Variants in ARHGEF12 observed in about 807,000 individuals in gnomAD.
ARHGEF12 encodes Rho guanine nucleotide exchange factor 12.
In ARHGEF12, 66 loss-of-function variants were observed where a neutral mutation model predicts 211.2. The ratio of observed to expected loss-of-function variants is 0.31; its 90% CI spans 0.26 to 0.38. The LOEUF is 0.38. Ranked by LOEUF, ARHGEF12 falls within the 10% of genes least tolerant of loss-of-function variation. The pLI, the probability that ARHGEF12 is intolerant of heterozygous loss-of-function variation, is 1.00. For synonymous variants in ARHGEF12, 592 were observed against 638.4 expected (o/e 0.93, Z 1.09); for missense variants, 1,429 against 1,869.5 (o/e 0.76, Z 4.34).
chr11:120,465,856 T>C (rs1946690909), intron 28 of ARHGEF12, among the ~76,000 whole-genome samples: 1 of 152,222 alleles, frequency 6.6e-6, no homozygotes, highest in African/African-American at 2.4e-5. Context: ...AAAAAATATA[T>C]GTCAGGATTA....
intron 1 of ARHGEF12, among the ~76,000 whole-genome samples, chr11:120,346,641 C>A (rs550559566): frequency 6.6e-6 from 1 of 152,250 alleles, no homozygotes; most frequent in African/African-American, 2.4e-5. Flanking sequence ...ATAATATAGT[C>A]TACATCAACA....
At chr11:120,355,654 C>T (rs1390920410) in intron 1 of ARHGEF12, among the ~76,000 whole-genome samples, 14 of 152,132 alleles carry the variant, frequency 9.2e-5, no homozygotes. Context: ...CTGCAGTGAG[C>T]TATGATTGTG....
intron 1 of ARHGEF12, chr11:120,337,946 T>C (rs1942407709): frequency 6.2e-6 from 6 of 970,196 alleles, no homozygotes; most frequent in Admixed American, 6.2e-5. Flanking sequence ...TTAAGAGATA[T>C]AAGCCGTAAG....
intron 1 of ARHGEF12, among the ~76,000 whole-genome samples, chr11:120,393,507 T>G (rs1944283414): frequency 6.6e-6 from 1 of 152,146 alleles, no homozygotes; most frequent in South Asian, 2.1e-4. Context: ...TAATCTACAT[T>G]AAAGGAAAAC....
intron 17 of ARHGEF12, 80 bp downstream of exon 17, chr11:120,446,588 A>G (rs1210282794): frequency 1.9e-6 from 2 of 1,079,606 alleles, no homozygotes; most frequent in East Asian, 2.6e-5. Context: ...CTCATTAAAT[A>G]CTTAGCTTAG....
Position 120,407,842 on chromosome 11 carries a change from T to G in ARHGEF12, c.142+19T>G. 2 of 1,600,920 alleles carry G rather than the reference T, an allele frequency of 1.2e-6. No homozygotes were observed. The highest frequency in any genetic ancestry group is 2.2e-5 in the South Asian group (2 of 90,458). On this transcript the variant is annotated intron_variant, in intron 3 of 40. Transcript: ENST00000397843. The stretch of plus-strand genomic sequence containing the variant: ...CCCACAGGTAAAACACTATTCATTC[T>G]TTCAAAGAGTATTGAGAGTAGTGAA...
intron 1 of ARHGEF12, among the ~76,000 whole-genome samples, chr11:120,348,822 CAA>C (rs1277798646): frequency 1.3e-5 from 2 of 152,084 alleles, no homozygotes; most frequent in Non-Finnish European, 2.9e-5. Flanking sequence ...GCCTGGAAAA[CAA>C]GAGCAAAACA....
At chr11:120,442,546 T>C (rs1945910468) in intron 15 of ARHGEF12, among the ~76,000 whole-genome samples, 1 of 151,874 alleles carries the variant, frequency 6.6e-6, no homozygotes, top group African/African-American at 2.4e-5. Context: ...ACATATATAT[T>C]AAGACCCAAG....
rs7126413 is a variant in ARHGEF12, at chr11:120,336,696, A to G, written c.-548A>G. 0.44 allele frequency among the ~76,000 whole-genome samples: 66,094 copies of G among 151,872 alleles called. 15,108 individuals are homozygous for G. Among genetic ancestry groups the G allele is most frequent in the African/African-American group, 0.57 (23,551 of 41,482 alleles). On this transcript the variant is annotated 5_prime_UTR_variant, in exon 1 of 41. Coordinates refer to ENST00000397843, the MANE Select transcript of ARHGEF12 (RefSeq NM_015313.3). ...AGCCTGGTGAGGGCGGCGAGCACAG[A>G]AGGAGCCCCGGGCCCGGGACATGGA...
chr11:120,409,499 G>T (rs550055767), intron 4 of ARHGEF12, 49 bp downstream of exon 4: 1 of 1,567,868 alleles, frequency 6.4e-7, no homozygotes, highest in East Asian at 2.2e-5. Flanking sequence ...CTTGCTTCAT[G>T]GTGTTCCTTT....
intron 1 of ARHGEF12, among the ~76,000 whole-genome samples, chr11:120,342,828 C>G (rs1394063642): frequency 6.6e-6 from 1 of 152,156 alleles, no homozygotes; most frequent in Non-Finnish European, 1.5e-5. Flanking sequence ...GTTATCAATT[C>G]TATGACAAAA....
chr11:120,446,519 T>C lies in ARHGEF12; in HGVS notation c.1451+11T>C, dbSNP rs1452566885. 6.3e-7 allele frequency: 1 copy of C among 1,578,758 alleles called. No individual in the cohort carries two copies. Among genetic ancestry groups the C allele is most frequent in the Non-Finnish European group, 8.6e-7 (1 of 1,160,100 alleles). Reference sequence around the variant, plus strand: ...CTTAGAAGATTTTCGGTAAGCTTAGTGGTAGATAGAATTTCATATGATTAT... The same window carrying C: ...CTTAGAAGATTTTCGGTAAGCTTAGCGGTAGATAGAATTTCATATGATTAT... On this transcript the variant is annotated intron_variant, in intron 17 of 40. Transcript: ENST00000397843.
intron 6 of ARHGEF12, among the ~76,000 whole-genome samples, chr11:120,422,452 A>G (rs1945220935): frequency 6.6e-6 from 1 of 152,248 alleles, no homozygotes; most frequent in African/African-American, 2.4e-5. Flanking sequence ...TACAAAACAA[A>G]TAAAACCAAA....
chr11:120,439,853 G>C (rs1366790743), intron 12 of ARHGEF12: 4 of 333,586 alleles, frequency 1.2e-5, no homozygotes, highest in Admixed American at 9.1e-5. Context: ...AGATAACCAA[G>C]TGTATAGTGA....
intron 4 of ARHGEF12, among the ~76,000 whole-genome samples, chr11:120,417,579 G>A (rs1945069464): frequency 6.8e-6 from 1 of 148,126 alleles, no homozygotes; most frequent in African/African-American, 2.5e-5. Context: ...CAGTGGTGCA[G>A]TCTCGGCTCA....
intron 7 of ARHGEF12, among the ~76,000 whole-genome samples, chr11:120,427,389 T>C (rs1945377479): frequency 6.6e-6 from 1 of 152,192 alleles, no homozygotes; most frequent in Non-Finnish European, 1.5e-5. Flanking sequence ...AAACCCTGCC[T>C]AGTTAGTGTC....
chr11:120,337,081 G>C lies in ARHGEF12; in HGVS notation c.-163G>C. On this transcript the variant is annotated 5_prime_UTR_variant, in exon 1 of 41. Coordinates refer to ENST00000397843, the MANE Select transcript of ARHGEF12 (RefSeq NM_015313.3). ...TGTTTTGCTCCAAGCCGCATCCGTT[G>C]ACCCCTTACAGTCGGATGGTCTAGA... The C allele has an allele frequency of 7.8e-6, 6 of 772,796 alleles. No individual in the cohort carries two copies. The highest frequency in any genetic ancestry group is 2.4e-5 in the Admixed American group (1 of 41,224). The allele number at this position is 772,796 out of a possible 1,614,324, so 47.9% of individuals were successfully genotyped here.
At chr11:120,400,438 T>C (rs1185290798) in intron 1 of ARHGEF12, among the ~76,000 whole-genome samples, 1 of 152,152 alleles carries the variant, frequency 6.6e-6, no homozygotes, top group East Asian at 1.9e-4. Flanking sequence ...TGAGGATACT[T>C]GTTTAAGTAT....
rs1945724782 is a variant in ARHGEF12 at position 120,437,368 on chromosome 11, A to G, written c.985A>G (p.Thr329Ala). The change falls in exon 12 of 41, where the codon ACA (threonine) becomes GCA (alanine). Residue 329 changes from threonine to alanine, a missense_variant. By Grantham distance (58) the Thr-to-Ala change is moderately conservative (BLOSUM62 0). This residue lies in a region of ARHGEF12 where 254 missense variants were observed against 286.4 expected (regional missense o/e 0.89). Coordinates refer to ENST00000397843, the MANE Select transcript of ARHGEF12 (RefSeq NM_015313.3). The stretch of plus-strand genomic sequence containing the variant: ...AGAGGAAAACCCAGAGAAAAGTGAA[A>G]CAATTCAGGACACTGTGAGTATGAA... ...YLEENPEKSE[T>A]IQDTDTQSLV... 7.4e-6 allele frequency: 12 copies of G among 1,612,506 alleles called. No homozygotes were observed. The highest frequency in any genetic ancestry group is 1.3e-5 in the African/African-American group (1 of 74,994).
Sources: allele counts gnomAD v4.1 joint callset (sites outside exome capture counted in the v4.1 genomes callset), GRCh38; gene constraint gnomAD v4.1.1; regional missense constraint gnomAD v4.1.1; transcripts MANE v1.5; gene names NCBI Gene and HGNC (gene_info 2026-07-23, HGNC 2026-07-21).